ALDH1A3: variants seen among roughly 807,000 people sequenced by gnomAD.
ALDH1A3 encodes aldehyde dehydrogenase 1 family member A3.
In ALDH1A3, 28 loss-of-function variants were observed where a neutral mutation model predicts 57.5. That is an observed-to-expected ratio of 0.49 (90% CI 0.36 to 0.67). The LOEUF (loss-of-function observed/expected upper bound fraction) is 0.67, where lower values mean the gene tolerates loss of function less well. Ranked by LOEUF, ALDH1A3 falls within the 30% of genes least tolerant of loss-of-function variation. ALDH1A3 has a pLI of 0.00. For synonymous variants in ALDH1A3, 281 were observed against 264.8 expected, an observed-to-expected ratio of 1.06 and a Z score of -0.59; for missense variants, 507 against 669.4, an observed-to-expected ratio of 0.76 and a Z score of 2.68.
Position 100,894,061 on chromosome 15 carries a change from T to C in ALDH1A3, c.645T>C (p.Tyr215=). 1 of 1,614,134 alleles carries C rather than the reference T, an allele frequency of 6.2e-7. No individual in the cohort carries two copies. The change falls in exon 6 of 13, where the codon TAT becomes TAC. Residue 215 remains tyrosine, a synonymous_variant. Transcript: ENST00000329841. The surrounding 1 kb of genome is among the most constrained non-coding windows in gnomAD (Gnocchi z 4.5). ...PAEQTPLTAL[Y]LGSLIKEAGF... ...AGCAGACACCTCTCACCGCCCTTTA[T>C]CTCGGCTCTCTGATCAAAGAGGTGA...
chr15:100,909,726 G>C (rs1184476026), intron 12 of ALDH1A3, among the ~76,000 whole-genome samples: 1 of 152,180 alleles, frequency 6.6e-6, no homozygotes, highest in Non-Finnish European at 1.5e-5. Flanking sequence ...ACCCAGAGCT[G>C]GCTAGAGCAA....
In ALDH1A3 at chr15:100,915,306, C is replaced by T. The variant is rs3803424; in HGVS notation, c.*533C>T. 0.6 allele frequency: 90,956 copies of T among 152,448 alleles called. 27,294 individuals are homozygous for T. The highest frequency in any genetic ancestry group is 0.72 in the East Asian group (3,742 of 5,186). The allele number at this position is 152,448 out of a possible 1,614,324, so 9.4% of individuals were successfully genotyped here. On this transcript the variant is annotated 3_prime_UTR_variant, in exon 13 of 13. Transcript: ENST00000329841. Reference sequence around the variant, plus strand: ...TTTTTTGGTTTTTGTTTTTTGTTTTCTTGTTTTTAAAAAAAGGATTTCACA... The same window carrying T: ...TTTTTTGGTTTTTGTTTTTTGTTTTTTTGTTTTTAAAAAAAGGATTTCACA...
intron 12 of ALDH1A3, among the ~76,000 whole-genome samples, chr15:100,909,891 C>A (rs183561194): frequency 6.6e-6 from 1 of 152,358 alleles, no homozygotes; most frequent in East Asian, 1.9e-4. Context: ...TCTCTAGGGA[C>A]CCAAACTCTT....
At position 100,894,217 on chromosome 15, in the gene ALDH1A3, G is replaced by A. The variant is rs2041678558; in HGVS notation, c.666+135G>A. The A allele has an allele frequency of 8.7e-7, 1 of 1,155,622 alleles. No individual in the cohort carries two copies. Among genetic ancestry groups the A allele is most frequent in the Non-Finnish European group, 1.2e-6 (1 of 820,106 alleles). 71.6% of individuals were successfully genotyped at this position (1,155,622 alleles called of 1,614,324 possible). On this transcript the variant is annotated intron_variant, in intron 6 of 12. Coordinates refer to ENST00000329841, the MANE Select transcript of ALDH1A3 (RefSeq NM_000693.4). The surrounding 1 kb of genome is among the most constrained non-coding windows in gnomAD (Gnocchi z 4.5). The stretch of plus-strand genomic sequence containing the variant: ...GGAAGGGAATGACTTCCAGTGTTTT[G>A]TTTGGCGACTGCACGTTCTTTCTCC...
intron 1 of ALDH1A3, among the ~76,000 whole-genome samples, chr15:100,882,448 C>G (rs1164144107): frequency 6.6e-6 from 1 of 152,182 alleles, no homozygotes; most frequent in African/African-American, 2.4e-5. Context: ...TTTTAAAACA[C>G]CGGTTTTTAT....
chr15:100,887,485 C>T lies in ALDH1A3; in HGVS notation c.205-87C>T, dbSNP rs540267655. 7.0e-7 allele frequency: 1 copy of T among 1,421,624 alleles called. No homozygotes were observed. Among genetic ancestry groups the T allele is most frequent in the Admixed American group, 2.6e-5 (1 of 38,366 alleles). 88.1% of individuals were successfully genotyped at this position (1,421,624 alleles called of 1,614,324 possible). On this transcript the variant is annotated intron_variant, in intron 2 of 12. Coordinates refer to ENST00000329841, the MANE Select transcript of ALDH1A3 (RefSeq NM_000693.4). The surrounding 1 kb of genome is among the most constrained non-coding windows in gnomAD (Gnocchi z 4.6). Reference sequence around the variant, plus strand: ...CTGCAGTCACCTCAAAAGATGACACCCAAACTTCAGTCACGTCAAAAGATG... The same window carrying T: ...CTGCAGTCACCTCAAAAGATGACACTCAAACTTCAGTCACGTCAAAAGATG...
intron 1 of ALDH1A3, among the ~76,000 whole-genome samples, chr15:100,883,947 C>T (rs1253066512): frequency 6.6e-6 from 1 of 152,186 alleles, no homozygotes; most frequent in African/African-American, 2.4e-5. Flanking sequence ...CGCAATTCTT[C>T]CTTTAAACAA....
rs112981257 is a variant in ALDH1A3 at position 100,895,864 on chromosome 15, C to G, written c.667-69C>G. ...GGATGTGAGGCAGCCACGGCTCTCT[C>G]GGCCCAAATGTGGATCCGTGGTGGA... On this transcript the variant is annotated intron_variant, in intron 6 of 12. Transcript: ENST00000329841. 737 of 1,365,246 alleles carry G rather than the reference C, an allele frequency of 5.4e-4. 5 individuals are homozygous for G. In the Middle Eastern group the frequency reaches 0.017, roughly 31 times the overall value. 84.6% of individuals were successfully genotyped at this position (1,365,246 alleles called of 1,614,324 possible).
intron 12 of ALDH1A3, among the ~76,000 whole-genome samples, chr15:100,912,781 A>C (rs1203137794): frequency 6.6e-6 from 1 of 152,238 alleles, no homozygotes; most frequent in Non-Finnish European, 1.5e-5. Context: ...CAGGGAAGGC[A>C]AAGAACTTAC....
Position 100,897,143 on chromosome 15 carries a change from C to T in ALDH1A3, c.781-940C>T, listed in dbSNP as rs566645582. On this transcript the variant is annotated intron_variant, in intron 7 of 12. Coordinates refer to ENST00000329841, the MANE Select transcript of ALDH1A3 (RefSeq NM_000693.4). ...GTCCAAGCCCTGGTGGATGCTGTTA[C>T]TCTCCTTGGAGACAGACACTGCCCT... 6.9e-4 allele frequency among the ~76,000 whole-genome samples: 105 copies of T among 152,326 alleles called. 1 individual carries two copies. Among genetic ancestry groups the T allele is most frequent in the African/African-American group, 2.3e-3 (96 of 41,546 alleles).
chr15:100,886,870 A>C (rs2141549233), intron 2 of ALDH1A3, among the ~76,000 whole-genome samples: 1 of 152,278 alleles, frequency 6.6e-6, no homozygotes, highest in Middle Eastern at 3.4e-3. Context: ...TCAGTTCTGC[A>C]ATCCAGAAAG....
rs1314437003 is a variant in ALDH1A3 at position 100,913,174 on chromosome 15, A to G, written c.1467-1527A>G. 3 of 152,022 alleles carry G rather than the reference A, an allele frequency of 2.0e-5. 1 individual carries two copies. Among genetic ancestry groups the G allele is most frequent in the Non-Finnish European group, 4.4e-5 (3 of 68,014 alleles). The allele number at this position is 152,022 out of a possible 1,614,324, so 9.4% of individuals were successfully genotyped here. A position where few individuals can be genotyped will look rare whatever the true frequency, so the allele number is the denominator to read the frequency against. Reference sequence around the variant, plus strand: ...CTCCGTCTCAAAAAAAAAAAAAAAAAATACAGATGTCTGGGCCCCACCATA... The same window carrying G: ...CTCCGTCTCAAAAAAAAAAAAAAAAGATACAGATGTCTGGGCCCCACCATA... On this transcript the variant is annotated intron_variant, in intron 12 of 12. Coordinates refer to ENST00000329841, the MANE Select transcript of ALDH1A3 (RefSeq NM_000693.4).
chr15:100,907,416 C>A, intron 11 of ALDH1A3, 138 bp downstream of exon 11: 1 of 991,826 alleles, frequency 1.0e-6, no homozygotes, highest in Non-Finnish European at 1.4e-6. Flanking sequence ...TCCTTCCATC[C>A]TCATGACCAT....
chr15:100,913,400 C>T (rs1406337582), intron 12 of ALDH1A3: 2 of 152,186 alleles, frequency 1.3e-5, no homozygotes, highest in Non-Finnish European at 2.9e-5. Flanking sequence ...TTGCCTTTTC[C>T]ATCCTCTAGA....
At chr15:100,912,443 C>T (rs1701608078) in intron 12 of ALDH1A3, among the ~76,000 whole-genome samples, 2 of 152,110 alleles carry the variant, frequency 1.3e-5, no homozygotes, top group Admixed American at 1.3e-4. Context: ...GAAAATCACA[C>T]TCTGATTTTC....
In ALDH1A3 at chr15:100,894,094, A is replaced by C; in HGVS notation, c.666+12A>C. ...CTCTGATCAAAGAGGTGAGACATCCAAAAAGAAAATATCACATGTTCTTGG... is the reference window on the plus strand; with the variant it reads ...CTCTGATCAAAGAGGTGAGACATCCCAAAAGAAAATATCACATGTTCTTGG... On this transcript the variant is annotated intron_variant, in intron 6 of 12. Transcript: ENST00000329841. This position sits in a 1 kb window ranked among gnomAD's most constrained non-coding sequence, Gnocchi z 4.5. 1.9e-6 allele frequency: 3 copies of C among 1,613,302 alleles called. No homozygotes were observed. The highest frequency in any genetic ancestry group is 2.5e-6 in the Non-Finnish European group (3 of 1,179,694).
intron 12 of ALDH1A3, chr15:100,913,603 G>A (rs1015897865): frequency 1.3e-5 from 2 of 152,248 alleles, no homozygotes; most frequent in Non-Finnish European, 2.9e-5. Context: ...CAATTGATTA[G>A]TAACTTGAAT....
intron 12 of ALDH1A3, among the ~76,000 whole-genome samples, chr15:100,912,525 T>A (rs1410163603): frequency 6.6e-6 from 1 of 152,204 alleles, no homozygotes; most frequent in African/African-American, 2.4e-5. Flanking sequence ...TCTACAAAAA[T>A]AGAATTTAGC....
chr15:100,906,472 G>A lies in ALDH1A3; in HGVS notation c.1234-649G>A, dbSNP rs887349527. On this transcript the variant is annotated intron_variant, in intron 10 of 12. Transcript: ENST00000329841. The surrounding 1 kb of genome is among the most constrained non-coding windows in gnomAD (Gnocchi z 4.8). ...TCAGCTCCTTAAACATCCCTGTGAC[G>A]AGAGGTCCTGGGGAACCCGGAAGGT... Among the ~76,000 whole-genome samples, 6 of 152,190 alleles carry A rather than the reference G, an allele frequency of 3.9e-5. No individual in the cohort carries two copies. The highest frequency in any genetic ancestry group is 6.5e-5 in the Admixed American group (1 of 15,284).
Sources: allele counts gnomAD v4.1 joint callset (sites outside exome capture counted in the v4.1 genomes callset), GRCh38; gene constraint gnomAD v4.1.1; non-coding constraint Gnocchi (gnomAD v3.1); transcripts MANE v1.5; gene names NCBI Gene and HGNC (gene_info 2026-07-23, HGNC 2026-07-21).